Variants in UNC13B observed in about 807,000 individuals in gnomAD.
The protein encoded by UNC13B is protein unc-13 homolog B.
A neutral mutation model predicts 211.0 loss-of-function variants in UNC13B; 144 were observed. The ratio of observed to expected loss-of-function variants is 0.68; its 90% CI spans 0.60 to 0.78. UNC13B has a LOEUF of 0.78. Ranked by LOEUF, UNC13B falls within the 30% of genes least tolerant of loss-of-function variation. The pLI is 0.00. For missense variants in UNC13B, 1,777 were observed against 2,002.0 expected (o/e 0.89, Z 2.14); for synonymous variants, 709 against 725.8 (o/e 0.98, Z 0.37).
At chr9:35,166,380 CA>C (rs941941334) in intron 1 of UNC13B, among the ~76,000 whole-genome samples, 5 of 149,112 alleles carry the variant, frequency 3.4e-5, no homozygotes, top group African/African-American at 1.2e-4. Flanking sequence ...GACCCTGTCT[CA>C]AAAAAAATAT....
intron 1 of UNC13B, among the ~76,000 whole-genome samples, chr9:35,204,420 G>T (rs1261705958): frequency 6.6e-6 from 1 of 152,194 alleles, no homozygotes; most frequent in Non-Finnish European, 1.5e-5. Flanking sequence ...AACCTAGAAT[G>T]GTAGATCCAT....
chr9:35,403,125 A>C lies in UNC13B; in HGVS notation c.12485-42A>C, dbSNP rs780601362. 6.9e-6 allele frequency: 11 copies of C among 1,599,156 alleles called. No homozygotes were observed. In the South Asian group the frequency reaches 9.9e-5, roughly 14 times the overall value. ...TCCTCACCCCTCAGGTTTACCTCCT[A>C]CAGTTCTCCAATGGGGAATCATCTC... is the stretch of plus-strand genomic sequence containing the variant. On this transcript the variant is annotated intron_variant, in intron 37 of 39. Coordinates refer to ENST00000635942, the MANE Select transcript of UNC13B (RefSeq NM_001371189.2).
At chr9:35,391,194 T>C (rs1245906846) in intron 26 of UNC13B, among the ~76,000 whole-genome samples, 1 of 152,248 alleles carries the variant, frequency 6.6e-6, no homozygotes, top group Non-Finnish European at 1.5e-5. Context: ...TCACTTCTCC[T>C]ATAGAGCAGG....
At chr9:35,179,585 T>G (rs1821823115) in intron 1 of UNC13B, among the ~76,000 whole-genome samples, 3 of 152,114 alleles carry the variant, frequency 2.0e-5, no homozygotes, top group Admixed American at 1.3e-4. Context: ...GAGCACAGGA[T>G]TTTGAGACCA....
At chr9:35,339,258 C>G (rs1254079499) in intron 11 of UNC13B, among the ~76,000 whole-genome samples, 3 of 152,212 alleles carry the variant, frequency 2.0e-5, no homozygotes, top group Admixed American at 2.0e-4. Flanking sequence ...TCCTGAGCAG[C>G]CTACTTTGAG....
chr9:35,223,896 A>G (rs1431165565), intron 1 of UNC13B, among the ~76,000 whole-genome samples: 1 of 152,162 alleles, frequency 6.6e-6, no homozygotes. Flanking sequence ...AACACCATTT[A>G]TTGAAGATAT....
chr9:35,372,197 G>A (rs531715178), intron 13 of UNC13B, among the ~76,000 whole-genome samples: 4 of 152,292 alleles, frequency 2.6e-5, no homozygotes, highest in Non-Finnish European at 5.9e-5. Context: ...GCTTGAACCC[G>A]GGAGGCGGAA....
Position 35,302,121 on chromosome 9 carries a change from G to A in UNC13B, c.2717G>A (p.Gly906Asp). 2.5e-6 allele frequency: 1 copy of A among 398,704 alleles called. No individual in the cohort carries two copies. 24.7% of individuals were successfully genotyped at this position (398,704 alleles called of 1,614,324 possible). The change falls in exon 9 of 40, where the codon GGC becomes GAC. Residue 906 changes from glycine (G) to aspartate (D), a missense_variant. Transcript: ENST00000635942. ...KVTVNDQSLR[G>D]SAVTTDEESK... The stretch of plus-strand genomic sequence containing the variant: ...ACTGTTAATGACCAGAGTTTACGTG[G>A]CTCAGCAGTAACCACTGATGAGGAG...
intron 1 of UNC13B, among the ~76,000 whole-genome samples, chr9:35,189,872 T>C (rs148748270): frequency 0.012 from 1,777 of 152,248 alleles, 36 homozygotes; most frequent in African/African-American, 0.041. Context: ...GGTTTTTCCA[T>C]GTTGGTCAGG....
chr9:35,219,717 C>A (rs10283768), intron 1 of UNC13B, among the ~76,000 whole-genome samples: 82,806 of 151,598 alleles, frequency 0.55, 22,911 homozygotes, highest in Non-Finnish European at 0.57. Flanking sequence ...GTAGTTGCCA[C>A]CTTAATTTAA....
chr9:35,381,537 T>C lies in UNC13B; in HGVS notation c.10492-19T>C. 6.2e-7 allele frequency: 1 copy of C among 1,606,636 alleles called. No homozygotes were observed. The highest frequency in any genetic ancestry group is 8.5e-7 in the Non-Finnish European group (1 of 1,175,100). On this transcript the variant is annotated intron_variant, in intron 19 of 39. Coordinates refer to ENST00000635942, the MANE Select transcript of UNC13B (RefSeq NM_001371189.2). ...ATATGTGTTTAACCCATTCCCTTTC[T>C]CTGCTCTGTCTCCTGCAGAATCTTT... is the stretch of plus-strand genomic sequence containing the variant.
At chr9:35,385,175 A>G in intron 22 of UNC13B, 1 of 985,444 alleles carries the variant, frequency 1.0e-6, no homozygotes, top group Non-Finnish European at 1.2e-6. Context: ...AAGTGAATGA[A>G]GTAAGGATGG....
rs761200696 is a variant in UNC13B, at chr9:35,375,217, G to A, written c.9615+16G>A. On this transcript the variant is annotated intron_variant, in intron 14 of 39. Transcript: ENST00000635942. ...CGAAGAGCTGGTAAGTGTCCCAAGTGCTTTCGTAAGTCCACTGGCCTCAGG... is the reference window on the plus strand; with the variant it reads ...CGAAGAGCTGGTAAGTGTCCCAAGTACTTTCGTAAGTCCACTGGCCTCAGG... 1 of 1,613,806 alleles carries A rather than the reference G, an allele frequency of 6.2e-7. No homozygotes were observed. Among genetic ancestry groups the A allele is most frequent in the South Asian group, 1.1e-5 (1 of 91,062 alleles).
At chr9:35,177,465 G>T (rs1821700951) in intron 1 of UNC13B, among the ~76,000 whole-genome samples, 1 of 152,132 alleles carries the variant, frequency 6.6e-6, no homozygotes, top group Non-Finnish European at 1.5e-5. Flanking sequence ...CAAGCCTCTT[G>T]ACTACCAAGC....
rs1829976737 is a variant in UNC13B, at chr9:35,307,376, G to C, written c.7972G>C (p.Asp2658His). The change falls in exon 9 of 40, where the codon GAT becomes CAT. Residue 2658 changes from aspartate (D) to histidine (H), a missense_variant. By Grantham distance (81) the Asp-to-His change is moderately conservative. Transcript: ENST00000635942. ...NFALPAQLHPDPTCIAEELPP... is the reference protein window; with the variant it reads ...NFALPAQLHPHPTCIAEELPP... ...TGCGCTGCCAGCACAGTTGCATCCA[G>C]ATCCTACCTGCATTGCCGAAGAGCT... The C allele has an allele frequency of 1.0e-5, 4 of 399,000 alleles. No individual in the cohort carries two copies. In the South Asian group the frequency reaches 3.8e-4, roughly 38 times the overall value. 24.7% of individuals were successfully genotyped at this position (399,000 alleles called of 1,614,324 possible). A position where few individuals can be genotyped will look rare whatever the true frequency, so the allele number is the denominator to read the frequency against.
intron 16 of UNC13B, among the ~76,000 whole-genome samples, chr9:35,378,064 G>T (rs558600796): frequency 6.6e-6 from 1 of 152,146 alleles, no homozygotes; most frequent in Non-Finnish European, 1.5e-5. Context: ...ATATCAGAGG[G>T]TGTAAAGATC....
At chr9:35,272,806 A>G (rs974820974) in intron 7 of UNC13B, among the ~76,000 whole-genome samples, 3 of 152,190 alleles carry the variant, frequency 2.0e-5, no homozygotes, top group Non-Finnish European at 2.9e-5. Flanking sequence ...AATTCCACGT[A>G]GCTTTTAGAG....
rs1005713444 is a variant in UNC13B, at chr9:35,354,594, T to C, written c.9415-12353T>C. Reference sequence around the variant, plus strand: ...CATTTTTCTAGGCAGTTTGGAGATATGTAGCTTTAAAATTACTCTTCCCAA... The same window carrying C: ...CATTTTTCTAGGCAGTTTGGAGATACGTAGCTTTAAAATTACTCTTCCCAA... On this transcript the variant is annotated intron_variant, in intron 11 of 39. Transcript: ENST00000635942. 5.9e-5 allele frequency among the ~76,000 whole-genome samples: 9 copies of C among 152,220 alleles called. 1 individual carries two copies. Among genetic ancestry groups the C allele is most frequent in the African/African-American group, 1.2e-4 (5 of 41,458 alleles).
chr9:35,162,338 T>C, intron 1 of UNC13B, 33 bp downstream of exon 1: 1 of 1,526,128 alleles, frequency 6.6e-7, no homozygotes. Context: ...GGAGGCGGGG[T>C]GTCGGCGTAG....
Sources: gnomAD v4.1 joint callset for allele counts (sites outside exome capture counted in the v4.1 genomes callset) on GRCh38, gnomAD v4.1.1 for gene constraint, MANE v1.5 for transcripts, NCBI Gene and HGNC (gene_info 2026-07-23, HGNC 2026-07-21) for gene names.